The following NSUN3 variants were observed in gnomAD, a reference collection of about 807,000 sequenced individuals.
NSUN3 encodes the protein tRNA (cytosine(34)-C(5))-methyltransferase, mitochondrial.
In NSUN3, 24 loss-of-function variants were observed where a neutral mutation model predicts 36.8. The ratio of observed to expected loss-of-function variants is 0.65; its 90% CI spans 0.47 to 0.92. NSUN3 has a LOEUF of 0.92. Among genes scored for constraint, NSUN3 ranks in the 40% least tolerant of loss-of-function variants. The pLI is 0.00. For missense variants in NSUN3, 381 were observed against 392.8 expected (o/e 0.97, Z 0.25); for synonymous variants, 146 against 145.2 (o/e 1.01, Z -0.04).
chr3:94,110,940 G>T (rs535587960), intron 5 of NSUN3, among the ~76,000 whole-genome samples: 1 of 152,152 alleles, frequency 6.6e-6, no homozygotes, highest in South Asian at 2.1e-4. Flanking sequence ...ATTGGGCCTG[G>T]ATCCCTGATG....
intron 5 of NSUN3, among the ~76,000 whole-genome samples, chr3:94,102,357 GAATATATGGGGCTATCA>G: frequency 6.6e-6 from 1 of 151,968 alleles, no homozygotes; most frequent in African/African-American, 2.4e-5. Flanking sequence ...AATAATATTT[GAATATATGGGGCTATCA>G]GAATGGAAGA....
chr3:94,103,158 A>G (rs1001233265), intron 5 of NSUN3, among the ~76,000 whole-genome samples: 2 of 152,132 alleles, frequency 1.3e-5, no homozygotes, highest in African/African-American at 4.8e-5. Flanking sequence ...AAGTGCTGGG[A>G]TTGCAGGCAT....
chr3:94,080,450 C>T (rs1444765796), intron 2 of NSUN3, among the ~76,000 whole-genome samples: 3 of 152,180 alleles, frequency 2.0e-5, no homozygotes, highest in African/African-American at 4.8e-5. Context: ...CTGGGAGGTC[C>T]GCTGCTCTCT....
rs755257508 is a variant in NSUN3, at chr3:94,130,828, C to T, written c.*4338C>T. ...GCCACACAGTGGGAGCCTTGTTTGA[C>T]CTTTTTTAACCTTTCCTGGTCAGGT... On this transcript the variant is annotated 3_prime_UTR_variant, in exon 6 of 6. Transcript: ENST00000314622. Among the ~76,000 whole-genome samples the T allele has an allele frequency of 5.3e-5, 8 of 152,310 alleles. No homozygotes were observed. The South Asian group carries it at 6.2e-4, about 12-fold the overall frequency.
At chr3:94,089,692 G>C (rs1348557712) in intron 3 of NSUN3, among the ~76,000 whole-genome samples, 1 of 152,212 alleles carries the variant, frequency 6.6e-6, no homozygotes, top group African/African-American at 2.4e-5. Flanking sequence ...CCGGAAGTGG[G>C]CCAGTGTATA....
chr3:94,104,654 A>T (rs2077378608), intron 5 of NSUN3, among the ~76,000 whole-genome samples: 1 of 152,268 alleles, frequency 6.6e-6, no homozygotes, highest in South Asian at 2.1e-4. Context: ...TTAGCACAAC[A>T]GTTATATATA....
At chr3:94,079,356 T>C (rs776478741) in intron 2 of NSUN3, among the ~76,000 whole-genome samples, 2 of 152,190 alleles carry the variant, frequency 1.3e-5, no homozygotes, top group African/African-American at 4.8e-5. Flanking sequence ...TGGCTGCCCT[T>C]AACATTTTTT....
At position 94,112,957 on chromosome 3, in the gene NSUN3, C is replaced by T. The variant is rs370570763; in HGVS notation, c.744-13254C>T. Among the ~76,000 whole-genome samples, 11 of 152,120 alleles carry T rather than the reference C, an allele frequency of 7.2e-5. No individual in the cohort carries two copies. In the East Asian group the frequency reaches 7.7e-4, roughly 11 times the overall value. ...TCGGCTCACTGCAAGTTCTGCCTCC[C>T]GGGTTCATGCCATTCTCCTGCCTCA... On this transcript the variant is annotated intron_variant, in intron 5 of 5. Coordinates refer to ENST00000314622, the MANE Select transcript of NSUN3 (RefSeq NM_022072.5).
At chr3:94,121,051 T>C (rs911047486) in intron 5 of NSUN3, among the ~76,000 whole-genome samples, 3 of 152,182 alleles carry the variant, frequency 2.0e-5, no homozygotes, top group African/African-American at 7.2e-5. Flanking sequence ...TGTGTATTAG[T>C]TGTTTCCTAT....
At chr3:94,096,482 CT>C (rs2077340297) in intron 5 of NSUN3, among the ~76,000 whole-genome samples, 1 of 151,216 alleles carries the variant, frequency 6.6e-6, no homozygotes, top group Non-Finnish European at 1.5e-5. Context: ...GATTTGGCTT[CT>C]TTGTTTTTTT....
chr3:94,071,465 G>T (rs2077224546), intron 2 of NSUN3, among the ~76,000 whole-genome samples: 1 of 152,206 alleles, frequency 6.6e-6, no homozygotes, highest in Admixed American at 6.5e-5. Flanking sequence ...TTAAATGGAT[G>T]ATGATGGGTA....
chr3:94,113,420 A>G (rs1576099639), intron 5 of NSUN3, among the ~76,000 whole-genome samples: 1 of 152,224 alleles, frequency 6.6e-6, no homozygotes, highest in Non-Finnish European at 1.5e-5. Flanking sequence ...CTTAATTGAA[A>G]GATTGAATGA....
intron 5 of NSUN3, among the ~76,000 whole-genome samples, chr3:94,115,278 T>A (rs1262247327): frequency 6.6e-6 from 1 of 152,198 alleles, no homozygotes; most frequent in Non-Finnish European, 1.5e-5. Context: ...TTAAATTTTT[T>A]AAATTTCTAC....
Position 94,128,983 on chromosome 3 carries a change from CAAT to C in NSUN3, c.*2496_*2498del, listed in dbSNP as rs2077499364. On this transcript the variant is annotated 3_prime_UTR_variant, in exon 6 of 6. Coordinates refer to ENST00000314622, the MANE Select transcript of NSUN3 (RefSeq NM_022072.5). ...GTCAGAATGGCTATTATTAAAAAGT[CAAT>C]AAAATAAAAAATAACAGACGCTGAT... Among the ~76,000 whole-genome samples, 1 of 151,940 alleles carries C rather than the reference CAAT, an allele frequency of 6.6e-6. No homozygotes were observed. Among genetic ancestry groups the C allele is most frequent in the African/African-American group, 2.4e-5 (1 of 41,356 alleles).
intron 2 of NSUN3, among the ~76,000 whole-genome samples, chr3:94,079,928 G>C (rs2077260944): frequency 6.6e-6 from 1 of 152,038 alleles, no homozygotes; most frequent in African/African-American, 2.4e-5. Flanking sequence ...GCCTACTTCT[G>C]TCAGTTTGTC....
intron 5 of NSUN3, among the ~76,000 whole-genome samples, chr3:94,106,650 G>A (rs1217114278): frequency 6.6e-6 from 1 of 152,166 alleles, no homozygotes; most frequent in Non-Finnish European, 1.5e-5. Flanking sequence ...TGGTCGTAGT[G>A]TATAATAGTG....
In NSUN3 at chr3:94,095,025, T is replaced by C; in HGVS notation, c.622-8T>C. On this transcript the variant is annotated splice_region_variant and splice_polypyrimidine_tract_variant and intron_variant, in intron 4 of 5. Transcript: ENST00000314622. ...CATATTTGCATCACTTGTCTTTTTTTTCTCTAGGTGTTAGTGGATGCTCCG... is the reference window on the plus strand; with the variant it reads ...CATATTTGCATCACTTGTCTTTTTTCTCTCTAGGTGTTAGTGGATGCTCCG... 1 of 1,613,514 alleles carries C rather than the reference T, an allele frequency of 6.2e-7. No homozygotes were observed. The highest frequency in any genetic ancestry group is 1.1e-5 in the South Asian group (1 of 90,996).
chr3:94,108,183 T>C (rs546382975), intron 5 of NSUN3, among the ~76,000 whole-genome samples: 1 of 152,180 alleles, frequency 6.6e-6, no homozygotes, highest in Admixed American at 6.5e-5. Context: ...ATCAACTGTT[T>C]TACATTTCAC....
At chr3:94,076,309 C>G in intron 2 of NSUN3, 1 of 865,468 alleles carries the variant, frequency 1.2e-6, no homozygotes, top group Non-Finnish European at 2.0e-6. Context: ...TCAGCTGATC[C>G]TGTGGCAAGA....
Sources: allele counts gnomAD v4.1 joint callset (sites outside exome capture counted in the v4.1 genomes callset), GRCh38; gene constraint gnomAD v4.1.1; transcripts MANE v1.5; gene names NCBI Gene and HGNC (gene_info 2026-07-23, HGNC 2026-07-21).